The following DOCK1 variants were observed in gnomAD, a reference collection of about 807,000 sequenced individuals.
DOCK1 encodes dedicator of cytokinesis protein 1.
A neutral mutation model predicts 262.7 loss-of-function variants in DOCK1; 138 were observed. That is an observed-to-expected ratio of 0.53 (90% CI 0.46 to 0.61). DOCK1 has a LOEUF of 0.61. Ranked by LOEUF, DOCK1 falls within the 20% of genes least tolerant of loss-of-function variation. DOCK1 has a pLI of 0.00. For missense variants in DOCK1, 1,908 were observed against 2,370.7 expected (o/e 0.80, Z 4.05); for synonymous variants, 866 against 867.4 (o/e 1.00, Z 0.03).
At chr10:127,380,312 C>T (rs118158302) in intron 36 of DOCK1, among the ~76,000 whole-genome samples, 190 bp downstream of exon 36, 334 of 152,102 alleles carry the variant, frequency 2.2e-3, no homozygotes, top group Non-Finnish European at 3.7e-3. Flanking sequence ...CACACCAGTG[C>T]AGAGTTCTTG....
chr10:127,158,620 A>G (rs574248807), intron 27 of DOCK1, among the ~76,000 whole-genome samples: 1 of 152,296 alleles, frequency 6.6e-6, no homozygotes, highest in African/African-American at 2.4e-5. Flanking sequence ...AGTCCAGAAT[A>G]ACACACTTAC....
chr10:127,004,780 G>GCCCCCCCCCCCCCCC (rs1477094845), intron 10 of DOCK1, among the ~76,000 whole-genome samples: 1 of 51,252 alleles, frequency 2.0e-5, no homozygotes, highest in Non-Finnish European at 3.5e-5. Context: ...CCACCCCCCC[G>GCCCCCCCCCCCCCCC]CCCCAAAAAA....
intron 10 of DOCK1, chr10:127,000,935 C>T (rs1037082081): frequency 6.5e-6 from 1 of 154,120 alleles, no homozygotes; most frequent in African/African-American, 2.4e-5. Flanking sequence ...TTCCTCCACC[C>T]TGCTGTTGCT....
At chr10:126,952,672 ATTG>A (rs1167991411) in intron 1 of DOCK1, among the ~76,000 whole-genome samples, 3,183 of 12,300 alleles carry the variant, frequency 0.26, 199 homozygotes, top group African/African-American at 0.37. Context: ...TATTGGTAGT[ATTG>A]TTGTTGTTGG....
chr10:127,251,286 A>T (rs1188638848), intron 28 of DOCK1, among the ~76,000 whole-genome samples: 1 of 152,136 alleles, frequency 6.6e-6, no homozygotes, highest in African/African-American at 2.4e-5. Flanking sequence ...GCTTACTCTG[A>T]CAACTATTAA....
intron 27 of DOCK1, among the ~76,000 whole-genome samples, chr10:127,206,051 G>A (rs1194758487): frequency 6.6e-6 from 1 of 151,874 alleles, no homozygotes. Flanking sequence ...TGCACTTAGA[G>A]GGATTCAGTT....
chr10:127,257,584 G>T, intron 29 of DOCK1, 155 bp downstream of exon 29: 2 of 567,386 alleles, frequency 3.5e-6, no homozygotes, highest in South Asian at 3.2e-5. Flanking sequence ...AGGGAGACAG[G>T]GACTCTGAGT....
intron 2 of DOCK1, among the ~76,000 whole-genome samples, chr10:126,971,963 CTGG>C (rs1337963194): frequency 6.6e-6 from 1 of 152,002 alleles, no homozygotes; most frequent in African/African-American, 2.4e-5. Flanking sequence ...GTTGCCCAGG[CTGG>C]AGTGCAATGG....
chr10:127,017,165 C>G (rs1413394500), intron 12 of DOCK1, among the ~76,000 whole-genome samples: 1 of 130,402 alleles, frequency 7.7e-6, no homozygotes, highest in African/African-American at 2.9e-5. Context: ...CACAAACACA[C>G]ACACACACAC....
At chr10:127,219,422 A>G (rs1235650059) in intron 27 of DOCK1, among the ~76,000 whole-genome samples, 2 of 152,132 alleles carry the variant, frequency 1.3e-5, no homozygotes, top group African/African-American at 2.4e-5. Flanking sequence ...CATTTTGTCT[A>G]TGTGGGCATG....
At chr10:126,990,330 C>A in intron 5 of DOCK1, 125 bp from the exon 6 acceptor site, 2 of 986,228 alleles carry the variant, frequency 2.0e-6, no homozygotes, top group Non-Finnish European at 2.8e-6. Context: ...TTTAATTCAA[C>A]ATTAACTAAA....
At chr10:126,934,983 G>A (rs1259427350) in intron 1 of DOCK1, among the ~76,000 whole-genome samples, 1 of 152,070 alleles carries the variant, frequency 6.6e-6, no homozygotes, top group African/African-American at 2.4e-5. Context: ...GGTGGCAGGC[G>A]CCTGTAGTCC....
chr10:127,351,856 T>A (rs1473783872), intron 31 of DOCK1, among the ~76,000 whole-genome samples: 1 of 151,936 alleles, frequency 6.6e-6, no homozygotes, highest in Non-Finnish European at 1.5e-5. Context: ...AAGGAAAAGA[T>A]CCCTCTCACT....
chr10:127,393,713 A>G lies in DOCK1; in HGVS notation c.3927+8804A>G, dbSNP rs1306851894. 2.0e-5 allele frequency among the ~76,000 whole-genome samples: 3 copies of G among 152,254 alleles called. No homozygotes were observed. In the East Asian group the frequency reaches 5.8e-4, roughly 29 times the overall value. The stretch of plus-strand genomic sequence containing the variant: ...ACGGGCTTTTGAATGATGTTCTGTT[A>G]TCTTTCTGTATTTCTTCCCCACGGA... On this transcript the variant is annotated intron_variant, in intron 38 of 51. Coordinates refer to ENST00000623213, the MANE Select transcript of DOCK1 (RefSeq NM_001290223.2).
At chr10:127,138,620 C>T (rs2486969) in intron 27 of DOCK1, among the ~76,000 whole-genome samples, 77,768 of 151,638 alleles carry the variant, frequency 0.51, 21,741 homozygotes, top group East Asian at 0.73. Context: ...CACCATTGAA[C>T]GGTACTCCGC....
intron 1 of DOCK1, among the ~76,000 whole-genome samples, chr10:126,933,248 T>C (rs1335580986): frequency 6.6e-6 from 1 of 152,188 alleles, no homozygotes; most frequent in Non-Finnish European, 1.5e-5. Context: ...AAATGGTTAA[T>C]GTTTGTGCTG....
intron 25 of DOCK1, 112 bp from the exon 26 acceptor site, chr10:127,125,362 C>A: frequency 6.8e-7 from 1 of 1,464,214 alleles, no homozygotes; most frequent in Non-Finnish European, 9.3e-7. Context: ...GTCAGTTCCA[C>A]GTGTTGCACA....
chr10:127,116,428 C>G (rs1435545139), intron 25 of DOCK1, among the ~76,000 whole-genome samples: 1 of 152,128 alleles, frequency 6.6e-6, no homozygotes, highest in East Asian at 1.9e-4. Flanking sequence ...CCTTTGAAAT[C>G]TGAGGGCAAA....
intron 15 of DOCK1, chr10:127,025,195 C>T (rs1167119106): frequency 1.3e-5 from 2 of 153,938 alleles, no homozygotes; most frequent in East Asian, 1.9e-4. Flanking sequence ...GCTCACATCT[C>T]CACGATGGAG....
Sources: gnomAD v4.1 joint callset for allele counts (sites outside exome capture counted in the v4.1 genomes callset) on GRCh38, gnomAD v4.1.1 for gene constraint, MANE v1.5 for transcripts, NCBI Gene and HGNC (gene_info 2026-07-23, HGNC 2026-07-21) for gene names.